The following SLC9C2 variants were observed in gnomAD, a reference collection of about 807,000 sequenced individuals.
SLC9C2 encodes the protein sodium/hydrogen exchanger 11.
In SLC9C2, 75 loss-of-function variants were observed where a neutral mutation model predicts 140.2. That is an observed-to-expected ratio of 0.53 (90% CI 0.44 to 0.65). SLC9C2 has a LOEUF of 0.65. Among genes scored for constraint, SLC9C2 ranks in the 30% least tolerant of loss-of-function variants. The pLI, the probability that SLC9C2 is intolerant of heterozygous loss-of-function variation, is 0.00. For missense variants in SLC9C2, 1,074 were observed against 1,331.8 expected, an observed-to-expected ratio of 0.81 and a Z score of 3.01; for synonymous variants, 375 against 420.9, an observed-to-expected ratio of 0.89 and a Z score of 1.34.
chr1:173,532,078 A>G (rs1175332002), intron 17 of SLC9C2, among the ~76,000 whole-genome samples: 2 of 152,218 alleles, frequency 1.3e-5, no homozygotes, highest in African/African-American at 4.8e-5. Context: ...TATGAACACT[A>G]AAGTTTGGTC....
At chr1:173,585,373 G>A (rs1665789927) in intron 5 of SLC9C2, among the ~76,000 whole-genome samples, 1 of 152,076 alleles carries the variant, frequency 6.6e-6, no homozygotes, top group Non-Finnish European at 1.5e-5. Flanking sequence ...GCAAAAAATA[G>A]TTTTTGCTTA....
At chr1:173,583,220 C>T (rs1281239142) in intron 6 of SLC9C2, among the ~76,000 whole-genome samples, 1 of 152,186 alleles carries the variant, frequency 6.6e-6, no homozygotes, top group Non-Finnish European at 1.5e-5. Context: ...ATACTTAATA[C>T]AATGCAAATA....
chr1:173,587,385 T>C (rs552229090), intron 5 of SLC9C2, among the ~76,000 whole-genome samples: 1 of 152,276 alleles, frequency 6.6e-6, no homozygotes, highest in East Asian at 1.9e-4. Flanking sequence ...AGAATAATAA[T>C]GCCAATTTTT....
chr1:173,569,240 C>A (rs1664687809), intron 9 of SLC9C2, among the ~76,000 whole-genome samples: 1 of 151,916 alleles, frequency 6.6e-6, no homozygotes, highest in Non-Finnish European at 1.5e-5. Flanking sequence ...CTCACTAATT[C>A]TTTCTTCTGC....
chr1:173,540,497 A>G (rs1403172387), intron 13 of SLC9C2, among the ~76,000 whole-genome samples: 1 of 152,198 alleles, frequency 6.6e-6, no homozygotes, highest in African/African-American at 2.4e-5. Flanking sequence ...GGTGGTGGGC[A>G]GAGGGTAGGG....
intron 24 of SLC9C2, among the ~76,000 whole-genome samples, chr1:173,509,029 CT>C (rs1553245849): frequency 3.3e-4 from 48 of 146,572 alleles, no homozygotes; most frequent in East Asian, 3.9e-4. Context: ...AATCTACCTT[CT>C]TTTTTTTTTT....
intron 3 of SLC9C2, 68 bp downstream of exon 3, chr1:173,600,049 T>C: frequency 1.0e-6 from 1 of 959,214 alleles, no homozygotes; most frequent in South Asian, 1.9e-5. Flanking sequence ...CATTCAGGGA[T>C]GAGATGGGAG....
chr1:173,588,341 C>T (rs923726371), intron 4 of SLC9C2, among the ~76,000 whole-genome samples: 4 of 152,114 alleles, frequency 2.6e-5, no homozygotes, highest in Non-Finnish European at 4.4e-5. Flanking sequence ...TTTGTAATTT[C>T]TATGCACACA....
chr1:173,593,701 A>G lies in SLC9C2; in HGVS notation c.357+4203T>C, dbSNP rs541925815. ...AGGAAAATCTACCAAGCAAATGGAA[A>G]TCAGAAAAATGCAGGGGCTGTTACC... On this transcript the variant is annotated intron_variant, in intron 4 of 27. Coordinates refer to ENST00000367714, the MANE Select transcript of SLC9C2 (RefSeq NM_178527.4). 1.0e-3 allele frequency among the ~76,000 whole-genome samples: 152 copies of G among 152,316 alleles called. 1 individual carries two copies. The highest frequency in any genetic ancestry group is 3.6e-3 in the African/African-American group (148 of 41,572).
chr1:173,533,505 T>G (rs563057124), intron 17 of SLC9C2, 104 bp downstream of exon 17: 1 of 784,568 alleles, frequency 1.3e-6, no homozygotes, highest in Admixed American at 2.6e-5. Context: ...CTCAAACTTC[T>G]GGACTCAAGC....
In SLC9C2 at chr1:173,534,970, A is replaced by G. The variant is rs12745703; in HGVS notation, c.1776-288T>C. Among the ~76,000 whole-genome samples the G allele has an allele frequency of 4.0e-3, 615 of 152,096 alleles. 1 individual carries two copies. The highest frequency in any genetic ancestry group is 7.1e-3 in the Non-Finnish European group (480 of 67,898). ...GATTCATAAATAAAAACAAAAAACAAATAAATTTAGAGGAAAACAAATTAC... is the reference window on the plus strand; with the variant it reads ...GATTCATAAATAAAAACAAAAAACAGATAAATTTAGAGGAAAACAAATTAC... On this transcript the variant is annotated intron_variant, in intron 15 of 27. Transcript: ENST00000367714.
At chr1:173,558,301 T>G (rs1299828957) in intron 9 of SLC9C2, among the ~76,000 whole-genome samples, 1 of 152,222 alleles carries the variant, frequency 6.6e-6, no homozygotes. Context: ...CAAACTCCTC[T>G]GCCTTGCATT....
intron 12 of SLC9C2, 68 bp from the exon 13 acceptor site, chr1:173,547,852 G>T: frequency 8.6e-7 from 1 of 1,168,938 alleles, no homozygotes; most frequent in Non-Finnish European, 1.2e-6. Context: ...AAATGATTAG[G>T]AACTGGCAAA....
intron 13 of SLC9C2, 95 bp from the exon 14 acceptor site, chr1:173,537,134 CT>C: frequency 1.1e-6 from 1 of 879,556 alleles, no homozygotes; most frequent in East Asian, 2.5e-5. Flanking sequence ...TATTACTGAA[CT>C]CAATATATCA....
chr1:173,541,058 G>A (rs879604311), intron 13 of SLC9C2, among the ~76,000 whole-genome samples: 2 of 152,046 alleles, frequency 1.3e-5, no homozygotes, highest in Non-Finnish European at 2.9e-5. Flanking sequence ...GACACAGACT[G>A]GCAAATTGGA....
intron 8 of SLC9C2, among the ~76,000 whole-genome samples, chr1:173,575,950 G>C (rs115360012): frequency 6.6e-6 from 1 of 152,022 alleles, no homozygotes; most frequent in South Asian, 2.1e-4. Flanking sequence ...ATAAAAGAAA[G>C]GACATTATAA....
intron 17 of SLC9C2, 125 bp downstream of exon 17, chr1:173,533,484 A>G (rs1661729714): frequency 3.1e-6 from 2 of 655,334 alleles, no homozygotes; most frequent in East Asian, 2.7e-5. Flanking sequence ...TTGCTATGTT[A>G]CCCAGGTTGT....
intron 8 of SLC9C2, among the ~76,000 whole-genome samples, chr1:173,576,095 A>C (rs1397790307): frequency 1.3e-5 from 2 of 152,176 alleles, no homozygotes; most frequent in Admixed American, 6.5e-5. Context: ...CTGATGTGGG[A>C]ATTTCTACAT....
At chr1:173,524,151 T>A in intron 20 of SLC9C2, 57 bp from the exon 21 acceptor site, 2 of 1,481,796 alleles carry the variant, frequency 1.3e-6, no homozygotes, top group Non-Finnish European at 1.8e-6. Flanking sequence ...AAATGGACAC[T>A]AGGGAAAAAC....
Sources: gnomAD v4.1 joint callset for allele counts (sites outside exome capture counted in the v4.1 genomes callset) on GRCh38, gnomAD v4.1.1 for gene constraint, MANE v1.5 for transcripts, NCBI Gene and HGNC (gene_info 2026-07-23, HGNC 2026-07-21) for gene names.